UNC5D: variants seen among roughly 807,000 people sequenced by gnomAD.
The protein encoded by UNC5D is unc-5 netrin receptor D, also known as netrin receptor UNC5D.
Under a neutral mutation model 105.4 loss-of-function variants are expected in UNC5D, and 39 were observed. That is an observed-to-expected ratio of 0.37 (90% CI 0.29 to 0.48). The LOEUF (loss-of-function observed/expected upper bound fraction) is 0.48, where lower values mean the gene tolerates loss of function less well. Among genes scored for constraint, UNC5D ranks in the 20% least tolerant of loss-of-function variants. UNC5D has a pLI of 0.98. For synonymous variants in UNC5D, 452 were observed against 450.4 expected (o/e 1.00, Z -0.04); for missense variants, 991 against 1,202.4 (o/e 0.82, Z 2.60).
intron 15 of UNC5D, among the ~76,000 whole-genome samples, chr8:35,769,555 T>C (rs544197070): frequency 6.6e-6 from 1 of 152,244 alleles, no homozygotes; most frequent in Non-Finnish European, 1.5e-5. Flanking sequence ...AGATCCTACA[T>C]GTAGCTCTGC....
rs539214844 is a variant in UNC5D at position 35,533,326 on chromosome 8, C to T, written c.104-15966C>T. Among the ~76,000 whole-genome samples the T allele has an allele frequency of 3.9e-5, 6 of 152,102 alleles. No individual in the cohort carries two copies. The South Asian group carries it at 1.0e-3, about 26-fold the overall frequency. ...CTGCCGTGTGAGGGGTCAGTGTGCC[C>T]CTGCTGGGGGGTGCCTCCCAGTTAG... is the stretch of plus-strand genomic sequence containing the variant. On this transcript the variant is annotated intron_variant, in intron 1 of 16. Transcript: ENST00000404895.
chr8:35,404,778 TG>T (rs1327742009), intron 1 of UNC5D, among the ~76,000 whole-genome samples: 80 of 152,158 alleles, frequency 5.3e-4, no homozygotes, highest in Non-Finnish European at 7.9e-4. Flanking sequence ...TTAGTAGAGA[TG>T]GGATTTCACC....
At chr8:35,525,908 T>A (rs1262037491) in intron 1 of UNC5D, 2 of 719,462 alleles carry the variant, frequency 2.8e-6, no homozygotes, top group Admixed American at 3.0e-5. Context: ...CTCCCTGCAC[T>A]GGAGTGTTCA....
At chr8:35,742,732 G>A (rs571663064) in intron 11 of UNC5D, among the ~76,000 whole-genome samples, 3 of 152,274 alleles carry the variant, frequency 2.0e-5, no homozygotes, top group African/African-American at 7.2e-5. Context: ...GAGCACAGAG[G>A]TAAAATGTCC....
rs78104911 is a variant in UNC5D at position 35,405,701 on chromosome 8, C to T, written c.104-143591C>T. Among the ~76,000 whole-genome samples, 158 of 151,974 alleles carry T rather than the reference C, an allele frequency of 1.0e-3. No homozygotes were observed. The East Asian group carries it at 0.025, about 24-fold the overall frequency. ...ATTCTCTATTCACAACTTTTTTTTA[C>T]GGGCTCTGAAATCATATTATCACAG... On this transcript the variant is annotated intron_variant, in intron 1 of 16. Coordinates refer to ENST00000404895, the MANE Select transcript of UNC5D (RefSeq NM_080872.4).
intron 1 of UNC5D, among the ~76,000 whole-genome samples, chr8:35,338,377 T>C (rs1277489943): frequency 6.6e-6 from 1 of 152,142 alleles, no homozygotes; most frequent in Admixed American, 6.5e-5. Context: ...GCAATGTTCA[T>C]TTAAGCCAGT....
At chr8:35,686,797 T>TA in intron 7 of UNC5D, 88 bp downstream of exon 7, 1 of 1,471,202 alleles carries the variant, frequency 6.8e-7, no homozygotes, top group Non-Finnish European at 9.0e-7. Context: ...TTAATGTGGT[T>TA]AAATAAGTTA....
chr8:35,761,387 C>T (rs60455013), intron 14 of UNC5D, among the ~76,000 whole-genome samples: 4,712 of 152,054 alleles, frequency 0.031, 260 homozygotes, highest in African/African-American at 0.11. Context: ...ACAATAATTC[C>T]GACACTAGGG....
intron 4 of UNC5D, among the ~76,000 whole-genome samples, chr8:35,626,918 A>G (rs1821729234): frequency 6.6e-6 from 1 of 151,882 alleles, no homozygotes; most frequent in South Asian, 2.1e-4. Context: ...GGCTCATGTT[A>G]TTGTCAATGT....
intron 1 of UNC5D, among the ~76,000 whole-genome samples, chr8:35,357,611 A>G (rs987446325): frequency 1.3e-5 from 2 of 152,048 alleles, no homozygotes; most frequent in Non-Finnish European, 2.9e-5. Context: ...CTTATTTCCT[A>G]GTCTGTATCT....
chr8:35,702,793 G>A (rs781760285), intron 7 of UNC5D, among the ~76,000 whole-genome samples: 7 of 152,140 alleles, frequency 4.6e-5, no homozygotes, highest in Non-Finnish European at 1.0e-4. Flanking sequence ...ATCCAATTTT[G>A]ATGCTGATGC....
intron 1 of UNC5D, among the ~76,000 whole-genome samples, chr8:35,497,778 G>C (rs1054320082): frequency 1.3e-5 from 2 of 151,890 alleles, no homozygotes; most frequent in African/African-American, 4.8e-5. Context: ...ATTGAGATAA[G>C]AGGAAAATCG....
chr8:35,319,782 G>A (rs1015517967), intron 1 of UNC5D, among the ~76,000 whole-genome samples: 10 of 150,164 alleles, frequency 6.7e-5, no homozygotes, highest in African/African-American at 2.4e-4. Flanking sequence ...AGTATTCAGG[G>A]ACCACAGGGA....
chr8:35,270,787 A>C (rs1228654279), intron 1 of UNC5D, among the ~76,000 whole-genome samples: 1 of 152,214 alleles, frequency 6.6e-6, no homozygotes, highest in East Asian at 1.9e-4. Flanking sequence ...CGTTTAAAAC[A>C]GTGGCTCATA....
chr8:35,763,117 G>A (rs55678313), intron 14 of UNC5D, among the ~76,000 whole-genome samples: 11,441 of 152,040 alleles, frequency 0.075, 1,176 homozygotes, highest in African/African-American at 0.24. Flanking sequence ...CACTAATCAC[G>A]GTGCTTCTAA....
intron 4 of UNC5D, among the ~76,000 whole-genome samples, chr8:35,602,829 A>G (rs1339211926): frequency 6.7e-6 from 1 of 149,604 alleles, no homozygotes; most frequent in African/African-American, 2.4e-5. Context: ...CCACTAACTC[A>G]TCATCTAGCA....
At chr8:35,440,546 C>G (rs1024340327) in intron 1 of UNC5D, among the ~76,000 whole-genome samples, 2 of 151,898 alleles carry the variant, frequency 1.3e-5, no homozygotes, top group Non-Finnish European at 2.9e-5. Flanking sequence ...TATATTTGGT[C>G]CATTTGTTAA....
At chr8:35,525,060 T>G (rs1167844685) in intron 1 of UNC5D, 3 of 923,784 alleles carry the variant, frequency 3.2e-6, no homozygotes, top group Admixed American at 2.7e-5. Context: ...TGCTGACCCT[T>G]TGTTAAGAGC....
chr8:35,719,328 T>C (rs1828440701), intron 8 of UNC5D, among the ~76,000 whole-genome samples: 1 of 151,976 alleles, frequency 6.6e-6, no homozygotes, highest in South Asian at 2.1e-4. Context: ...CTGTGTACTC[T>C]TGGAAAGAAA....
Sources: gnomAD v4.1 joint callset for allele counts (sites outside exome capture counted in the v4.1 genomes callset) on GRCh38, gnomAD v4.1.1 for gene constraint, MANE v1.5 for transcripts, NCBI Gene and HGNC (gene_info 2026-07-23, HGNC 2026-07-21) for gene names.